CAMK2A: variants seen among roughly 807,000 people sequenced by gnomAD.
CAMK2A encodes the protein calcium/calmodulin-dependent protein kinase type II subunit alpha.
Under a neutral mutation model 79.2 loss-of-function variants are expected in CAMK2A, and 7 were observed. The observed-to-expected ratio is 0.09, with a 90% CI of 0.05 to 0.17. The LOEUF is 0.17. CAMK2A is among the 10% of genes least tolerant of loss of function. The pLI, the probability that CAMK2A is intolerant of heterozygous loss-of-function variation, is 1.00. For missense variants in CAMK2A, 214 were observed against 646.4 expected (o/e 0.33, Z 7.25); for synonymous variants, 242 against 251.7 (o/e 0.96, Z 0.36).
At position 150,256,453 on chromosome 5, in the gene CAMK2A, C is replaced by CT; in HGVS notation, c.411+119dup. ...GGGAAAATAATCTCACCCACCCCAC[C>CT]TTCCAGCCTAACACAGAGAAATTAA... On this transcript the variant is annotated intron_variant, in intron 6 of 18. Transcript: ENST00000671881. This position sits in a 1 kb window ranked among gnomAD's most constrained non-coding sequence, Gnocchi z 4.6. The CT allele has an allele frequency of 2.9e-6, 2 of 686,876 alleles. No individual in the cohort carries two copies. Among genetic ancestry groups the CT allele is most frequent in the Non-Finnish European group, 5.1e-6 (2 of 394,710 alleles). 42.5% of individuals were successfully genotyped at this position (686,876 alleles called of 1,614,324 possible). A position where few individuals can be genotyped will look rare whatever the true frequency, so the allele number is the denominator to read the frequency against.
At chr5:150,270,094 G>T (rs1756681664) in intron 2 of CAMK2A, among the ~76,000 whole-genome samples, 1 of 152,240 alleles carries the variant, frequency 6.6e-6, no homozygotes, top group South Asian at 2.1e-4. Flanking sequence ...ACCTCTGTGT[G>T]TGCAGTGGGG....
At chr5:150,249,945 C>A (rs1038082588) in intron 11 of CAMK2A, among the ~76,000 whole-genome samples, 1 of 152,158 alleles carries the variant, frequency 6.6e-6, no homozygotes, top group South Asian at 2.1e-4. Flanking sequence ...TACCATTGTC[C>A]TGCTGCATTC....
At chr5:150,241,108 G>A (rs3776825) in intron 13 of CAMK2A, among the ~76,000 whole-genome samples, 61,275 of 152,096 alleles carry the variant, frequency 0.4, 13,891 homozygotes, top group African/African-American at 0.62. Flanking sequence ...GTGATGGTTG[G>A]GCCAGGAGTG....
In CAMK2A at chr5:150,289,755, T is replaced by C. The variant is rs1008821851; in HGVS notation, c.-130A>G. 1.5e-6 allele frequency: 1 copy of C among 676,120 alleles called. No homozygotes were observed. Among genetic ancestry groups the C allele is most frequent in the Non-Finnish European group, 2.5e-6 (1 of 393,384 alleles). 41.9% of individuals were successfully genotyped at this position (676,120 alleles called of 1,614,324 possible). On this transcript the variant is annotated 5_prime_UTR_variant, in exon 1 of 19. Transcript: ENST00000671881. ...AGTGCAAACAGAGAACCGGTTTGACTGACGAGCCCGGGGCTTCTGAGCAGG... is the reference window on the plus strand; with the variant it reads ...AGTGCAAACAGAGAACCGGTTTGACCGACGAGCCCGGGGCTTCTGAGCAGG...
chr5:150,271,550 C>T (rs1303764573), intron 2 of CAMK2A, among the ~76,000 whole-genome samples: 1 of 152,250 alleles, frequency 6.6e-6, no homozygotes, highest in Non-Finnish European at 1.5e-5. Context: ...CTGCGCCTAT[C>T]AAACACCTGG....
chr5:150,272,584 AAAAG>A (rs1038959391), intron 2 of CAMK2A, among the ~76,000 whole-genome samples: 1 of 151,702 alleles, frequency 6.6e-6, no homozygotes, highest in Non-Finnish European at 1.5e-5. Context: ...AAAAAAAAAA[AAAAG>A]AGAGAGAGAG....
At chr5:150,248,304 T>C (rs1755662732) in intron 11 of CAMK2A, among the ~76,000 whole-genome samples, 1 of 145,308 alleles carries the variant, frequency 6.9e-6, no homozygotes, top group Non-Finnish European at 1.5e-5. Context: ...TCTCTTTTTT[T>C]TTTTTATTTC....
chr5:150,245,154 G>A lies in CAMK2A; in HGVS notation c.984+7C>T. On this transcript the variant is annotated splice_region_variant and intron_variant, in intron 13 of 18. Coordinates refer to ENST00000671881, the MANE Select transcript of CAMK2A (RefSeq NM_015981.4). ...CCAAGCCCTGCCAGGCTCCTGGAGGGGCTTACCTTCACACCATCGCTCTTC... is the reference window on the plus strand; with the variant it reads ...CCAAGCCCTGCCAGGCTCCTGGAGGAGCTTACCTTCACACCATCGCTCTTC... The A allele has an allele frequency of 6.2e-7, 1 of 1,613,694 alleles. No individual in the cohort carries two copies. Among genetic ancestry groups the A allele is most frequent in the Non-Finnish European group, 8.5e-7 (1 of 1,179,752 alleles).
chr5:150,284,299 T>C lies in CAMK2A; in HGVS notation c.62+5265A>G, dbSNP rs1485312582. On this transcript the variant is annotated intron_variant, in intron 1 of 18. Coordinates refer to ENST00000671881, the MANE Select transcript of CAMK2A (RefSeq NM_015981.4). The surrounding 1 kb of genome is among the most constrained non-coding windows in gnomAD (Gnocchi z 5.3). ...TGCCCTGTCACAGCCAGTGTGTGTGTGTGTGTCCATGTGCATGTGTGTGCT... is the reference window on the plus strand; with the variant it reads ...TGCCCTGTCACAGCCAGTGTGTGTGCGTGTGTCCATGTGCATGTGTGTGCT... Among the ~76,000 whole-genome samples the C allele has an allele frequency of 2.0e-5, 3 of 152,004 alleles. No homozygotes were observed. The highest frequency in any genetic ancestry group is 4.4e-5 in the Non-Finnish European group (3 of 68,002).
intron 2 of CAMK2A, among the ~76,000 whole-genome samples, chr5:150,269,106 C>T (rs1756631389): frequency 6.6e-6 from 1 of 152,170 alleles, no homozygotes; most frequent in Non-Finnish European, 1.5e-5. Context: ...GATCCATTGG[C>T]TCAGCAGAGT....
Position 150,223,025 on chromosome 5 carries a change from T to C in CAMK2A, c.1430A>G (p.His477Arg). Residue 477 changes from histidine (H) to arginine (R), a missense_variant, in exon 18 of 19, where the codon CAC becomes CGC. Physicochemically the swap from His to Arg is conservative, Grantham distance 29 (BLOSUM62 0). This residue lies in a region of CAMK2A where 123 missense variants were observed against 242.4 expected (regional missense o/e 0.51). Transcript: ENST00000671881. The surrounding 1 kb of genome is among the most constrained non-coding windows in gnomAD (Gnocchi z 4.1). The part of the protein sequence containing the change: ...HRRDGKWQIV[H>R]FHRSGAPSVL... ...GGAGGGCGCCCCAGATCTGTGGAAG[T>C]GGACGATCTGCCATTTGCCATCCCG... 1 of 1,614,214 alleles carries C rather than the reference T, an allele frequency of 6.2e-7. No individual in the cohort carries two copies. Among genetic ancestry groups the C allele is most frequent in the Non-Finnish European group, 8.5e-7 (1 of 1,180,034 alleles).
At chr5:150,274,156 G>T (rs1375406078) in intron 1 of CAMK2A, among the ~76,000 whole-genome samples, 2 of 152,222 alleles carry the variant, frequency 1.3e-5, no homozygotes, top group Non-Finnish European at 2.9e-5. Context: ...AATTTAATTT[G>T]TAATTGTCAC....
At position 150,223,250 on chromosome 5, in the gene CAMK2A, G is replaced by T. The variant is rs755910724; in HGVS notation, c.1238-33C>A. The T allele has an allele frequency of 2.5e-5, 39 of 1,541,132 alleles. No homozygotes were observed. Among genetic ancestry groups the T allele is most frequent in the Non-Finnish European group, 3.4e-5 (38 of 1,118,886 alleles). ...AGGGGATGGGAGGGGCAGAGGAGAT[G>T]CAACCGGGGGCCTCCTGTCTCACTT... On this transcript the variant is annotated intron_variant, in intron 17 of 18. Transcript: ENST00000671881. The surrounding 1 kb of genome is among the most constrained non-coding windows in gnomAD (Gnocchi z 4.1).
chr5:150,252,356 T>C (rs1755874604), intron 7 of CAMK2A, among the ~76,000 whole-genome samples: 1 of 152,132 alleles, frequency 6.6e-6, no homozygotes, highest in African/African-American at 2.4e-5. Flanking sequence ...TCCTACTGGG[T>C]CCTGACTCAG....
chr5:150,230,279 C>T (rs953601674), intron 16 of CAMK2A, among the ~76,000 whole-genome samples: 2 of 127,784 alleles, frequency 1.6e-5, no homozygotes, highest in African/African-American at 6.3e-5. Flanking sequence ...GATCGTGCCA[C>T]TGCACTATAG....
Position 150,219,913 on chromosome 5 carries a change from T to C in CAMK2A, c.*2797A>G, listed in dbSNP as rs571119766. The C allele has an allele frequency of 1.8e-4, 27 of 152,538 alleles. No homozygotes were observed. Among genetic ancestry groups the C allele is most frequent in the South Asian group, 2.1e-4 (1 of 4,818 alleles). The allele number at this position is 152,538 out of a possible 1,614,324, so 9.4% of individuals were successfully genotyped here. On this transcript the variant is annotated 3_prime_UTR_variant, in exon 19 of 19. Coordinates refer to ENST00000671881, the MANE Select transcript of CAMK2A (RefSeq NM_015981.4). ...ATTATTTTGCATCTAAAGGATGTTT[T>C]GGAGGAGCACAGAGTTTGTCTGGTG...
chr5:150,263,102 T>C (rs1219013514), intron 3 of CAMK2A, among the ~76,000 whole-genome samples: 2 of 152,192 alleles, frequency 1.3e-5, no homozygotes, highest in Non-Finnish European at 2.9e-5. Flanking sequence ...CACAATCCTA[T>C]GAGCTAGTTA....
At chr5:150,272,967 AG>A in intron 2 of CAMK2A, 97 bp downstream of exon 2, 3 of 895,392 alleles carry the variant, frequency 3.4e-6, no homozygotes, top group Non-Finnish European at 5.6e-6. Context: ...AGTATCACCC[AG>A]GGGCTCAGCC....
chr5:150,280,961 T>C (rs1208001555), intron 1 of CAMK2A, among the ~76,000 whole-genome samples: 1 of 152,224 alleles, frequency 6.6e-6, no homozygotes, highest in African/African-American at 2.4e-5. Context: ...AAAATGATTC[T>C]GTGTCTGTGC....
Sources: gnomAD v4.1 joint callset for allele counts (sites outside exome capture counted in the v4.1 genomes callset) on GRCh38, gnomAD v4.1.1 for gene constraint, gnomAD v4.1.1 regional missense constraint, Gnocchi (gnomAD v3.1) non-coding constraint, MANE v1.5 for transcripts, NCBI Gene and HGNC (gene_info 2026-07-23, HGNC 2026-07-21) for gene names.